The following PLAC1 variants were observed in gnomAD, a reference collection of about 807,000 sequenced individuals.
The protein encoded by PLAC1 is placenta associated 1.
For missense variants in PLAC1, 136 were observed against 163.2 expected, an observed-to-expected ratio of 0.83 and a Z score of 0.91; for synonymous variants, 68 against 62.1, an observed-to-expected ratio of 1.09 and a Z score of -0.44.
intron 2 of PLAC1, among the ~76,000 whole-genome samples, chrX:134,699,863 T>C (rs369756048): frequency 8.9e-6 from 1 of 112,014 alleles, no homozygotes; most frequent in African/African-American, 3.2e-5. Flanking sequence ...AAACCCCCTG[T>C]TTCTTCTAGC....
chrX:134,566,153 G>A lies in PLAC1; in HGVS notation c.530C>T (p.Pro177Leu). The change falls in exon 3 of 3, where the codon CCT (proline) becomes CTT (leucine). Residue 177 changes from proline to leucine, a missense_variant. Transcript: ENST00000359237. ...CTCCTGAGCCCCTGCTTGGTGACAA[G>A]GGACCTGGGTATGCTCTTCTTCACT... is the stretch of plus-strand genomic sequence containing the variant. The part of the protein sequence containing the change: ...VFSEEEHTQV[P>L]CHQAGAQEAQ... The A allele has an allele frequency of 8.3e-7, 1 of 1,211,412 alleles. No individual in the cohort carries two copies. The highest frequency in any genetic ancestry group is 1.1e-6 in the Non-Finnish European group (1 of 895,151).
At chrX:134,663,447 T>C (rs189576091), upstream of PLAC1, among the ~76,000 whole-genome samples, 106 of 112,806 alleles carry the variant, frequency 9.4e-4, 1 homozygote, top group African/African-American at 2.9e-3. Flanking sequence ...TGTGTGTGTG[T>C]GCGCGCACGC....
intron 2 of PLAC1, among the ~76,000 whole-genome samples, chrX:134,568,407 G>A (rs1188105567): frequency 8.9e-6 from 1 of 112,463 alleles, no homozygotes; most frequent in Non-Finnish European, 1.9e-5. Flanking sequence ...ATTGTTTAAT[G>A]GAAACCATGG....
rs1352301815 is a variant in PLAC1, at chrX:134,578,370, A to G, written c.-58-11630T>C. On this transcript the variant is annotated intron_variant, in intron 2 of 2. Coordinates refer to ENST00000359237, the MANE Select transcript of PLAC1 (RefSeq NM_021796.4). ...AGAACTTGCAGTGAGCCGAGATCGC[A>G]CCACTGCACTCCAGCCTGAGTGACA... Among the ~76,000 whole-genome samples the G allele has an allele frequency of 1.2e-4, 12 of 96,209 alleles. No homozygotes were observed. The Admixed American group carries it at 1.4e-3, about 11-fold the overall frequency. The allele number at this position is 96,209 out of a possible 115,157, so 83.5% of individuals were successfully genotyped here.
intron 1 of PLAC1, among the ~76,000 whole-genome samples, chrX:134,617,784 A>G (rs1317284959): frequency 2.7e-5 from 3 of 112,278 alleles, no homozygotes; most frequent in African/African-American, 9.7e-5. Context: ...TGCTATATTC[A>G]GTTATACTCA....
intron 2 of PLAC1, among the ~76,000 whole-genome samples, chrX:134,698,450 G>A (rs924482657): frequency 9.9e-5 from 11 of 111,408 alleles, no homozygotes; most frequent in Non-Finnish European, 1.1e-4. Flanking sequence ...CAAAAACTCC[G>A]TCTCAAAAAA....
chrX:134,715,714 T>A (rs1367532627), intron 2 of PLAC1, among the ~76,000 whole-genome samples: 1 of 111,957 alleles, frequency 8.9e-6, no homozygotes, highest in Non-Finnish European at 1.9e-5. Context: ...CCCGGCATTT[T>A]GAAATGCTAG....
At chrX:134,616,739 T>C (rs773616743) in intron 1 of PLAC1, among the ~76,000 whole-genome samples, 2 of 111,305 alleles carry the variant, frequency 1.8e-5, no homozygotes, top group Admixed American at 1.9e-4. Context: ...CTGTGAAAAA[T>C]GCTGCTGGAA....
chrX:134,721,714 T>A (rs1167758349), intron 2 of PLAC1, among the ~76,000 whole-genome samples: 1 of 108,590 alleles, frequency 9.2e-6, no homozygotes, highest in African/African-American at 3.4e-5. Flanking sequence ...AATACAAAAA[T>A]TAGCCAGGCA....
At chrX:134,727,903 T>C (rs748510347) in intron 2 of PLAC1, among the ~76,000 whole-genome samples, 1 of 112,155 alleles carries the variant, frequency 8.9e-6, no homozygotes, top group Admixed American at 9.5e-5. Flanking sequence ...AGAACTAAAA[T>C]ATGAGAGTGA....
At chrX:134,745,743 T>C (rs775210382) in intron 1 of PLAC1, among the ~76,000 whole-genome samples, 1 of 111,665 alleles carries the variant, frequency 9.0e-6, no homozygotes, top group African/African-American at 3.3e-5. Flanking sequence ...CTGCAGTTGA[T>C]AGGATCTTTG....
At chrX:134,576,007 C>T (rs1489223343) in intron 2 of PLAC1, among the ~76,000 whole-genome samples, 2 of 107,600 alleles carry the variant, frequency 1.9e-5, no homozygotes, top group Non-Finnish European at 3.8e-5. Flanking sequence ...AAGGAAGTTT[C>T]CCCCCACTGG....
intron 2 of PLAC1, among the ~76,000 whole-genome samples, chrX:134,590,174 A>G (rs142410243): frequency 0.13 from 14,005 of 107,526 alleles, 1,067 homozygotes; most frequent in African/African-American, 0.29. Context: ...CAGCCTGGGC[A>G]ACAGAGTGAG....
At chrX:134,687,813 A>T (rs1229725857) in intron 2 of PLAC1, among the ~76,000 whole-genome samples, 2 of 57,317 alleles carry the variant, frequency 3.5e-5, no homozygotes. Flanking sequence ...GGACTGAGAT[A>T]ACATATATAT....
At chrX:134,759,387 G>A (rs1394343600) in intron 1 of PLAC1, among the ~76,000 whole-genome samples, 1 of 111,051 alleles carries the variant, frequency 9.0e-6, no homozygotes, top group Non-Finnish European at 1.9e-5. Context: ...CTGACCTCTT[G>A]ATCCACCCGC....
chrX:134,642,182 C>A (rs186917996), intron 1 of PLAC1, among the ~76,000 whole-genome samples: 1 of 112,070 alleles, frequency 8.9e-6, no homozygotes, highest in Non-Finnish European at 1.9e-5. Context: ...AGGTAGAATG[C>A]GCAGAACACG....
At chrX:134,743,094 T>C (rs1200177382) in intron 1 of PLAC1, among the ~76,000 whole-genome samples, 2 of 111,758 alleles carry the variant, frequency 1.8e-5, no homozygotes, top group Non-Finnish European at 3.8e-5. Context: ...TTGAGAGGGA[T>C]AAATGTGAAA....
chrX:134,696,278 CAGG>C (rs1283235968), intron 2 of PLAC1, among the ~76,000 whole-genome samples: 1 of 111,144 alleles, frequency 9.0e-6, no homozygotes, highest in African/African-American at 3.3e-5. Flanking sequence ...GAAATGCTAG[CAGG>C]AGACTAACCT....
At chrX:134,589,588 G>A (rs377592881) in intron 2 of PLAC1, among the ~76,000 whole-genome samples, 21 of 109,276 alleles carry the variant, frequency 1.9e-4, no homozygotes, top group East Asian at 2.9e-4. Context: ...TTAGCCGGGC[G>A]TGGTGGGGCA....
Sources: gnomAD v4.1 joint callset for allele counts (sites outside exome capture counted in the v4.1 genomes callset) on GRCh38, gnomAD v4.1.1 for gene constraint, MANE v1.5 for transcripts, NCBI Gene and HGNC (gene_info 2026-07-23, HGNC 2026-07-21) for gene names.